ZNF382: variants seen among roughly 807,000 people sequenced by gnomAD.
The protein encoded by ZNF382 is KRAB/zinc finger suppressor protein 1.
A neutral mutation model predicts 38.8 loss-of-function variants in ZNF382; 20 were observed. The observed-to-expected ratio is 0.51, with a 90% CI of 0.36 to 0.75. The LOEUF (loss-of-function observed/expected upper bound fraction) is 0.75. ZNF382 is among the 30% of genes least tolerant of loss of function. The probability of loss-of-function intolerance (pLI) is 0.00; values close to 1 mark genes in which losing one functional copy is unlikely to be tolerated. For missense variants in ZNF382, 546 were observed against 654.1 expected (o/e 0.83, Z 1.80); for synonymous variants, 202 against 223.1 (o/e 0.91, Z 0.84).
At chr19:36,620,263 T>A (rs1167668548) in intron 4 of ZNF382, among the ~76,000 whole-genome samples, 1 of 152,210 alleles carries the variant, frequency 6.6e-6, no homozygotes, top group Non-Finnish European at 1.5e-5. Context: ...AGTAAACTTT[T>A]ATGTTTCATA....
intron 1 of ZNF382, chr19:36,605,728 T>G (rs1020369474): frequency 6.6e-6 from 1 of 152,302 alleles, no homozygotes; most frequent in African/African-American, 2.4e-5. Context: ...TGCTGCATTT[T>G]AGGTGCTTGC....
Position 36,627,464 on chromosome 19 carries a change from A to T in ZNF382, c.1567A>T (p.Lys523Ter), listed in dbSNP as rs1009810672. The T allele has an allele frequency of 6.2e-7, 1 of 1,614,160 alleles. No homozygotes were observed. Among genetic ancestry groups the T allele is most frequent in the Non-Finnish European group, 8.5e-7 (1 of 1,180,012 alleles). ...CACAGGCGAGAAACCATATGAATGT[A>T]AACAGTGTGGGAAGTTCTTCAGTTG... ...THTGEKPYECKQCGKFFSCKS... is the reference protein window; with the variant it reads ...THTGEKPYEC The change falls in exon 5 of 5, where the codon AAA becomes TAA. Residue 523 changes from lysine to a stop codon, truncating the protein, a stop_gained. Coordinates refer to ENST00000292928, the MANE Select transcript of ZNF382 (RefSeq NM_032825.5). LOFTEE classifies it high-confidence loss of function.
rs2037218384 is a variant in ZNF382 at position 36,626,889 on chromosome 19, A to G, written c.992A>G (p.Lys331Arg). The G allele has an allele frequency of 6.2e-7, 1 of 1,614,206 alleles. No homozygotes were observed. Among genetic ancestry groups the G allele is most frequent in the Non-Finnish European group, 8.5e-7 (1 of 1,179,990 alleles). The change falls in exon 5 of 5, where the codon AAG (lysine) becomes AGG (arginine). Residue 331 changes from lysine to arginine, a missense_variant. Lys to Arg is a conservative substitution (Grantham distance 26, BLOSUM62 2). Coordinates refer to ENST00000292928, the MANE Select transcript of ZNF382 (RefSeq NM_032825.5). The part of the protein sequence containing the change: ...EKPYVCNQCG[K>R]AFRQKTALTL... ...CCTTATGTTTGCAATCAATGTGGAA[A>G]GGCCTTCCGTCAGAAGACAGCCCTC... is the stretch of plus-strand genomic sequence containing the variant.
chr19:36,607,998 A>G (rs1223045424), intron 2 of ZNF382: 2 of 204,142 alleles, frequency 9.8e-6, no homozygotes, highest in Non-Finnish European at 2.0e-5. Flanking sequence ...AAACTGCTGG[A>G]ATAGAAAGGT....
rs1393438072 is a variant in ZNF382 at position 36,630,187 on chromosome 19, A to G, written c.*2637A>G. ...CCAATTTTGCACACACAAAAAATGA[A>G]AATAGCCCCCAAAAGAAAGGCAGGA... On this transcript the variant is annotated 3_prime_UTR_variant, in exon 5 of 5. Transcript: ENST00000292928. 6.6e-6 allele frequency: 1 copy of G among 152,162 alleles called. No homozygotes were observed. The highest frequency in any genetic ancestry group is 1.5e-5 in the Non-Finnish European group (1 of 68,042). The allele number at this position is 152,162 out of a possible 1,614,324, so 9.4% of individuals were successfully genotyped here.
intron 4 of ZNF382, among the ~76,000 whole-genome samples, chr19:36,611,816 C>T (rs985086664): frequency 2.6e-5 from 4 of 152,082 alleles, no homozygotes; most frequent in African/African-American, 7.2e-5. Flanking sequence ...TCTGTATTTT[C>T]GTAGTATCCA....
chr19:36,620,637 G>A (rs571143474), intron 4 of ZNF382, among the ~76,000 whole-genome samples: 1 of 152,078 alleles, frequency 6.6e-6, no homozygotes, highest in South Asian at 2.1e-4. Context: ...CAACTGTAGT[G>A]GTATATTTTA....
rs1371306756 is a variant in ZNF382, at chr19:36,629,988, G to A, written c.*2438G>A. ...TCTAGAGTCAATGAGCAAAGGTATT[G>A]TTGTTACTAATAGGTGATTTTGGCA... is the stretch of plus-strand genomic sequence containing the variant. On this transcript the variant is annotated 3_prime_UTR_variant, in exon 5 of 5. Coordinates refer to ENST00000292928, the MANE Select transcript of ZNF382 (RefSeq NM_032825.5). 6.6e-6 allele frequency: 1 copy of A among 152,150 alleles called. No individual in the cohort carries two copies. The highest frequency in any genetic ancestry group is 6.6e-5 in the Admixed American group (1 of 15,256). The allele number at this position is 152,150 out of a possible 1,614,324, so 9.4% of individuals were successfully genotyped here.
chr19:36,615,500 T>C (rs1455060540), intron 4 of ZNF382, among the ~76,000 whole-genome samples: 6 of 152,222 alleles, frequency 3.9e-5, no homozygotes, highest in African/African-American at 1.4e-4. Context: ...TCCAAAGAGC[T>C]TATCCAAAAC....
At chr19:36,607,447 G>T in intron 1 of ZNF382, 105 bp from the exon 2 acceptor site, 1 of 693,304 alleles carries the variant, frequency 1.4e-6, no homozygotes, top group Non-Finnish European at 2.4e-6. Context: ...GGGTGGACAA[G>T]TGCTGAAATA....
intron 4 of ZNF382, among the ~76,000 whole-genome samples, chr19:36,611,824 C>A (rs1468275409): frequency 1.3e-5 from 2 of 152,154 alleles, no homozygotes; most frequent in African/African-American, 2.4e-5. Context: ...TTCGTAGTAT[C>A]CATCCTATTA....
intron 1 of ZNF382, 88 bp from the exon 2 acceptor site, chr19:36,607,464 A>G (rs148209091): frequency 3.9e-6 from 3 of 770,002 alleles, no homozygotes; most frequent in African/African-American, 3.5e-5. Context: ...AATAGTGAAC[A>G]TTCATGCAGA....
At chr19:36,611,133 C>T (rs1444063307) in intron 4 of ZNF382, among the ~76,000 whole-genome samples, 1 of 151,802 alleles carries the variant, frequency 6.6e-6, no homozygotes, top group Non-Finnish European at 1.5e-5. Context: ...ACTAAAAATA[C>T]AAAAAAATTA....
In ZNF382 at chr19:36,626,822, T is replaced by G. The variant is rs1372822538; in HGVS notation, c.925T>G (p.Ser309Ala). Residue 309 changes from serine (S) to alanine (A), a missense_variant, in exon 5 of 5, where the codon TCA (serine) becomes GCA (alanine). Ser to Ala is a moderately conservative substitution (Grantham distance 99). Transcript: ENST00000292928. Reference sequence around the variant, plus strand: ...CTGTGGGAATAACTTTAGAAGGAAGTCATACCTCATTGAACATCAGCGAAT... The same window carrying G: ...CTGTGGGAATAACTTTAGAAGGAAGGCATACCTCATTGAACATCAGCGAAT... ...PYCGNNFRRK[S>A]YLIEHQRIHT... The G allele has an allele frequency of 1.2e-6, 2 of 1,614,098 alleles. No homozygotes were observed. Among genetic ancestry groups the G allele is most frequent in the African/African-American group, 1.3e-5 (1 of 74,938 alleles).
chr19:36,622,168 T>C (rs1238812526), intron 4 of ZNF382, among the ~76,000 whole-genome samples: 2 of 152,054 alleles, frequency 1.3e-5, no homozygotes, highest in Admixed American at 6.6e-5. Flanking sequence ...ATTATAGGCA[T>C]GTGCCACTAC....
chr19:36,633,146 G>A lies in ZNF382; in HGVS notation c.*5596G>A, dbSNP rs1157171416. ...CTCCGCCTCCTGGGTTCACACCATT[G>A]TCCTGCCTCAGCCTCCTGAGTAGCT... is the stretch of plus-strand genomic sequence containing the variant. On this transcript the variant is annotated 3_prime_UTR_variant, in exon 5 of 5. Coordinates refer to ENST00000292928, the MANE Select transcript of ZNF382 (RefSeq NM_032825.5). 1.3e-5 allele frequency: 2 copies of A among 150,826 alleles called. No individual in the cohort carries two copies. Among genetic ancestry groups the A allele is most frequent in the Admixed American group, 1.3e-4 (2 of 15,006 alleles). The allele number at this position is 150,826 out of a possible 1,614,324, so 9.3% of individuals were successfully genotyped here.
At chr19:36,617,342 C>G (rs1021363492) in intron 4 of ZNF382, among the ~76,000 whole-genome samples, 11 of 152,170 alleles carry the variant, frequency 7.2e-5, no homozygotes, top group African/African-American at 2.2e-4. Flanking sequence ...CTAACCCAGC[C>G]TCTAGAGTAT....
At chr19:36,614,232 C>T (rs1347184272) in intron 4 of ZNF382, among the ~76,000 whole-genome samples, 1 of 152,022 alleles carries the variant, frequency 6.6e-6, no homozygotes, top group Non-Finnish European at 1.5e-5. Flanking sequence ...CCCAGCTACT[C>T]GGGAGGCTGA....
In ZNF382 at chr19:36,630,184, T is replaced by C. The variant is rs1328473043; in HGVS notation, c.*2634T>C. ...TTCCCAATTTTGCACACACAAAAAA[T>C]GAAAATAGCCCCCAAAAGAAAGGCA... On this transcript the variant is annotated 3_prime_UTR_variant, in exon 5 of 5. Transcript: ENST00000292928. The C allele has an allele frequency of 1.3e-5, 2 of 151,970 alleles. No homozygotes were observed. Among genetic ancestry groups the C allele is most frequent in the Non-Finnish European group, 2.9e-5 (2 of 68,000 alleles). 9.4% of individuals were successfully genotyped at this position (151,970 alleles called of 1,614,324 possible). A position where few individuals can be genotyped will look rare whatever the true frequency, so the allele number is the denominator to read the frequency against.
Sources: gnomAD v4.1 joint callset for allele counts (sites outside exome capture counted in the v4.1 genomes callset) on GRCh38, gnomAD v4.1.1 for gene constraint, MANE v1.5 for transcripts, NCBI Gene and HGNC (gene_info 2026-07-23, HGNC 2026-07-21) for gene names.